The following ZNF423 variants were observed in gnomAD, a reference collection of about 807,000 sequenced individuals.
The protein encoded by ZNF423 is zinc finger protein 423.
In ZNF423, 12 loss-of-function variants were observed where a neutral mutation model predicts 95.8. The observed-to-expected ratio is 0.13, with a 90% CI of 0.08 to 0.20. The LOEUF (loss-of-function observed/expected upper bound fraction) is 0.20. ZNF423 is among the 10% of genes least tolerant of loss of function. The pLI is 1.00. For synonymous variants in ZNF423, 749 were observed against 711.9 expected (o/e 1.05, Z -0.83); for missense variants, 1,316 against 1,737.1 (o/e 0.76, Z 4.31).
At chr16:49,756,107 A>T (rs1012881451) in intron 2 of ZNF423, among the ~76,000 whole-genome samples, 3 of 152,188 alleles carry the variant, frequency 2.0e-5, no homozygotes, top group Admixed American at 1.3e-4. Flanking sequence ...GGGGAGGCAA[A>T]TGCAGTGTTT....
rs1377457239 is a variant in ZNF423, at chr16:49,638,233, C to T, written c.943G>A (p.Glu315Lys). The T allele has an allele frequency of 6.2e-7, 1 of 1,609,694 alleles. No individual in the cohort carries two copies. The highest frequency in any genetic ancestry group is 2.2e-5 in the East Asian group (1 of 44,882). ...TGGATATGGGCGAGCAGTGTGTTCT[C>T]GTCGACGAAGACCTCAGGGCAGTGA... Reference protein sequence around the residue: ...CIHCPEVFVDENTLLAHIHQA... With the variant: ...CIHCPEVFVDKNTLLAHIHQA... The change falls in exon 4 of 8, where the codon GAG becomes AAG. Residue 315 changes from glutamate to lysine, a missense_variant. By Grantham distance (56) the Glu-to-Lys change is moderately conservative. Coordinates refer to ENST00000563137, the MANE Select transcript of ZNF423 (RefSeq NM_001379286.1). This position sits in a 1 kb window ranked among gnomAD's most constrained non-coding sequence, Gnocchi z 5.6.
intron 2 of ZNF423, among the ~76,000 whole-genome samples, chr16:49,771,290 C>T (rs978188772): frequency 4.0e-5 from 6 of 150,718 alleles, no homozygotes; most frequent in African/African-American, 1.2e-4. Flanking sequence ...GCAACCTCCA[C>T]CTCTCAGGTT....
chr16:49,599,863 G>T (rs1459955640), intron 5 of ZNF423, among the ~76,000 whole-genome samples: 1 of 152,210 alleles, frequency 6.6e-6, no homozygotes, highest in African/African-American at 2.4e-5. Context: ...TAGGGGTACA[G>T]GGGTATCAGC....
rs1047867417 is a variant in ZNF423, at chr16:49,855,427, C to T, written c.40+308G>A. Among the ~76,000 whole-genome samples, 22 of 151,058 alleles carry T rather than the reference C, an allele frequency of 1.5e-4. No individual in the cohort carries two copies. Among genetic ancestry groups the T allele is most frequent in the Non-Finnish European group, 2.2e-4 (15 of 67,696 alleles). On this transcript the variant is annotated intron_variant, in intron 1 of 7. Transcript: ENST00000563137. This position sits in a 1 kb window ranked among gnomAD's most constrained non-coding sequence, Gnocchi z 4.7. ...CCCCGCACGGAGGGAGCGGCAAGGG[C>T]CCCTTAGCGGCGCCCCCAGGCCTGG...
chr16:49,748,702 C>T (rs1247354729), intron 2 of ZNF423, among the ~76,000 whole-genome samples: 5 of 152,188 alleles, frequency 3.3e-5, no homozygotes, highest in Non-Finnish European at 1.5e-5. Flanking sequence ...CAGCGAAGCC[C>T]CTTTTCCGTG....
intron 5 of ZNF423, among the ~76,000 whole-genome samples, chr16:49,618,921 C>T (rs1971967210): frequency 6.6e-6 from 1 of 152,296 alleles, no homozygotes; most frequent in East Asian, 1.9e-4. Context: ...CCAACATCCT[C>T]ACCTTCTCTC....
intron 2 of ZNF423, among the ~76,000 whole-genome samples, chr16:49,785,153 C>A (rs897232367): frequency 5.9e-5 from 9 of 152,066 alleles, no homozygotes; most frequent in Non-Finnish European, 1.3e-4. Flanking sequence ...CATAACTCAC[C>A]GTAACCTCAA....
At chr16:49,717,115 G>T (rs971651687) in intron 3 of ZNF423, among the ~76,000 whole-genome samples, 5 of 152,076 alleles carry the variant, frequency 3.3e-5, no homozygotes, top group African/African-American at 1.2e-4. Flanking sequence ...TTACACATAG[G>T]CCAGGCAGGT....
chr16:49,597,209 T>C (rs973182662), intron 5 of ZNF423, among the ~76,000 whole-genome samples: 4 of 151,700 alleles, frequency 2.6e-5, no homozygotes, highest in Non-Finnish European at 4.4e-5. Context: ...CAGGGGAAGA[T>C]CAGCCCACAG....
Position 49,638,385 on chromosome 16 carries a change from T to C in ZNF423, c.791A>G (p.Lys264Arg). Residue 264 changes from lysine (K) to arginine (R), a missense_variant, in exon 4 of 8, where the codon AAG becomes AGG. By Grantham distance (26) the Lys-to-Arg change is conservative. This residue lies in a region of ZNF423 where 399 missense variants were observed against 478.5 expected (regional missense o/e 0.83). Transcript: ENST00000563137. This position sits in a 1 kb window ranked among gnomAD's most constrained non-coding sequence, Gnocchi z 5.6. ...KNKEHLAKSE[K>R]EAKKDDFMCD... Reference sequence around the variant, plus strand: ...CATGAAGTCGTCCTTCTTGGCTTCCTTCTCCGACTTGGCCAGATGCTCCTT... The same window carrying C: ...CATGAAGTCGTCCTTCTTGGCTTCCCTCTCCGACTTGGCCAGATGCTCCTT... The C allele has an allele frequency of 3.7e-6, 6 of 1,614,024 alleles. No individual in the cohort carries two copies. Among genetic ancestry groups the C allele is most frequent in the Non-Finnish European group, 5.1e-6 (6 of 1,180,048 alleles).
At position 49,602,541 on chromosome 16, in the gene ZNF423, T is replaced by C. The variant is rs931488365; in HGVS notation, c.3601+23629A>G. ...GGCAGTTTCAGCAGATTCCTCCAGG[T>C]AGCCTAATGTGGGAGCAGAAGTGTA... On this transcript the variant is annotated intron_variant, in intron 5 of 7. Transcript: ENST00000563137. Among the ~76,000 whole-genome samples the C allele has an allele frequency of 7.4e-4, 112 of 151,986 alleles. 6 individuals carry two copies.
chr16:49,722,899 T>C (rs1343440788), intron 3 of ZNF423, among the ~76,000 whole-genome samples: 1 of 152,014 alleles, frequency 6.6e-6, no homozygotes, highest in African/African-American at 2.4e-5. Context: ...ATTTTTAAAA[T>C]GGTATTTCCT....
intron 5 of ZNF423, among the ~76,000 whole-genome samples, chr16:49,588,325 T>TG (rs951625430): frequency 6.6e-6 from 1 of 152,160 alleles, no homozygotes; most frequent in Non-Finnish European, 1.5e-5. Context: ...CAGGGCACAC[T>TG]GGGGGCGTCT....
rs2035349739 is a variant in ZNF423 at position 49,855,300 on chromosome 16, T to C, written c.40+435A>G. On this transcript the variant is annotated intron_variant, in intron 1 of 7. Coordinates refer to ENST00000563137, the MANE Select transcript of ZNF423 (RefSeq NM_001379286.1). This position sits in a 1 kb window ranked among gnomAD's most constrained non-coding sequence, Gnocchi z 4.7. ...CGGTCGGCCTGCCGGGCGCCCGTCC[T>C]CGCCGCCTCTTCCTTCCTCCTGTCG... 6.6e-6 allele frequency among the ~76,000 whole-genome samples: 1 copy of C among 151,146 alleles called. No homozygotes were observed. Among genetic ancestry groups the C allele is most frequent in the African/African-American group, 2.4e-5 (1 of 41,188 alleles).
At chr16:49,634,017 C>T (rs1437622556) in intron 4 of ZNF423, among the ~76,000 whole-genome samples, 2 of 151,782 alleles carry the variant, frequency 1.3e-5, no homozygotes, top group Non-Finnish European at 2.9e-5. Flanking sequence ...AGCAATTCTC[C>T]TGCCTCAGCC....
chr16:49,544,829 C>T (rs1184943877), intron 5 of ZNF423, among the ~76,000 whole-genome samples: 1 of 152,266 alleles, frequency 6.6e-6, no homozygotes, highest in Non-Finnish European at 1.5e-5. Context: ...TCCAGGGGAT[C>T]GCATCCTTCT....
At chr16:49,593,394 C>T (rs888133119) in intron 5 of ZNF423, among the ~76,000 whole-genome samples, 4 of 151,862 alleles carry the variant, frequency 2.6e-5, no homozygotes, top group Non-Finnish European at 5.9e-5. Context: ...ATGATCATGC[C>T]ACTGCACTCC....
chr16:49,818,024 T>C (rs183690615), intron 1 of ZNF423, among the ~76,000 whole-genome samples: 1 of 152,204 alleles, frequency 6.6e-6, no homozygotes, highest in East Asian at 1.9e-4. Context: ...TGGTGAGCTG[T>C]ATTCCATCAC....
chr16:49,550,231 A>G (rs1364417537), intron 5 of ZNF423, among the ~76,000 whole-genome samples: 3 of 152,238 alleles, frequency 2.0e-5, no homozygotes, highest in Admixed American at 6.5e-5. Context: ...CTGCACATTA[A>G]TACACATGGA....
Sources: allele counts gnomAD v4.1 joint callset (sites outside exome capture counted in the v4.1 genomes callset), GRCh38; gene constraint gnomAD v4.1.1; regional missense constraint gnomAD v4.1.1; non-coding constraint Gnocchi (gnomAD v3.1); transcripts MANE v1.5; gene names NCBI Gene and HGNC (gene_info 2026-07-23, HGNC 2026-07-21).